TMEM178B: variants seen among roughly 807,000 people sequenced by gnomAD.
The protein encoded by TMEM178B is transmembrane protein 178B.
Under a neutral mutation model 31.0 loss-of-function variants are expected in TMEM178B, and 5 were observed. That is an observed-to-expected ratio of 0.16 (90% CI 0.08 to 0.34). The LOEUF is 0.34. TMEM178B is among the 10% of genes least tolerant of loss of function. The pLI is 1.00. For missense variants in TMEM178B, 275 were observed against 400.3 expected, an observed-to-expected ratio of 0.69 and a Z score of 2.67; for synonymous variants, 164 against 164.0, an observed-to-expected ratio of 1.00 and a Z score of 0.00.
chr7:141,087,793 C>G (rs1039041529), intron 1 of TMEM178B, among the ~76,000 whole-genome samples: 6 of 152,232 alleles, frequency 3.9e-5, no homozygotes, highest in South Asian at 4.2e-4. Context: ...ATGTTAAGAT[C>G]ATGTGTTTCT....
In TMEM178B at chr7:141,344,562, T is replaced by G; in HGVS notation, c.497-93046T>G. Reference sequence around the variant, plus strand: ...TTTAGTTTCTCCCTCCCTCCCTCCATTCCTCCCTCCTCCCTTCCTTCCTTC... The same window carrying G: ...TTTAGTTTCTCCCTCCCTCCCTCCAGTCCTCCCTCCTCCCTTCCTTCCTTC... On this transcript the variant is annotated intron_variant, in intron 2 of 3. Coordinates refer to ENST00000565468, the MANE Select transcript of TMEM178B (RefSeq NM_001195278.2). The surrounding 1 kb of genome is among the most constrained non-coding windows in gnomAD (Gnocchi z 4.1). Among the ~76,000 whole-genome samples, 1 of 148,274 alleles carries G rather than the reference T, an allele frequency of 6.7e-6. No homozygotes were observed. The highest frequency in any genetic ancestry group is 2.5e-5 in the African/African-American group (1 of 40,036).
At chr7:141,173,673 T>C (rs1796382314) in intron 1 of TMEM178B, among the ~76,000 whole-genome samples, 1 of 152,214 alleles carries the variant, frequency 6.6e-6, no homozygotes, top group Non-Finnish European at 1.5e-5. Context: ...TTTGTCTGAA[T>C]TTGTGTTGAG....
chr7:141,257,936 G>A (rs1027248612), intron 2 of TMEM178B, among the ~76,000 whole-genome samples: 1 of 150,662 alleles, frequency 6.6e-6, no homozygotes, highest in African/African-American at 2.4e-5. Context: ...TTCCTTTTTT[G>A]TTTAGTTAAA....
rs1399591456 is a variant in TMEM178B at position 141,472,635 on chromosome 7, T to C, written c.*1849T>C. ...TCATAAACAAATATGCTTTGGGAGCTTTGCCAGGCACTCAGCAGCCTTTCT... is the reference window on the plus strand; with the variant it reads ...TCATAAACAAATATGCTTTGGGAGCCTTGCCAGGCACTCAGCAGCCTTTCT... On this transcript the variant is annotated 3_prime_UTR_variant, in exon 4 of 4. Coordinates refer to ENST00000565468, the MANE Select transcript of TMEM178B (RefSeq NM_001195278.2). 1 of 152,186 alleles carries C rather than the reference T, an allele frequency of 6.6e-6. No individual in the cohort carries two copies. Among genetic ancestry groups the C allele is most frequent in the Non-Finnish European group, 1.5e-5 (1 of 68,042 alleles). The allele number at this position is 152,186 out of a possible 1,614,324, so 9.4% of individuals were successfully genotyped here. A position where few individuals can be genotyped will look rare whatever the true frequency, so the allele number is the denominator to read the frequency against.
chr7:141,155,794 G>T (rs1196400891), intron 1 of TMEM178B, among the ~76,000 whole-genome samples: 1 of 152,324 alleles, frequency 6.6e-6, no homozygotes, highest in East Asian at 1.9e-4. Context: ...GTCGGGCGTG[G>T]TGGCTCACAT....
intron 1 of TMEM178B, among the ~76,000 whole-genome samples, chr7:141,206,765 T>C (rs952401723): frequency 6.6e-6 from 1 of 152,204 alleles, no homozygotes; most frequent in African/African-American, 2.4e-5. Flanking sequence ...CTTTGTAAAT[T>C]GCTCTCCCTG....
At chr7:141,387,878 TG>T (rs746669823) in intron 2 of TMEM178B, among the ~76,000 whole-genome samples, 1 of 152,130 alleles carries the variant, frequency 6.6e-6, no homozygotes, top group Non-Finnish European at 1.5e-5. Flanking sequence ...CTCCTCGCCT[TG>T]GTGGTCATCC....
the TMEM178B span, among the ~76,000 whole-genome samples, chr7:141,486,021 A>G: frequency 6.6e-6 from 1 of 152,248 alleles, no homozygotes; most frequent in African/African-American, 2.4e-5. Flanking sequence ...AGATGATTAG[A>G]TAAAGAGAAT....
chr7:141,482,208 T>G (rs1195497349), downstream of TMEM178B, among the ~76,000 whole-genome samples: 1 of 152,212 alleles, frequency 6.6e-6, no homozygotes, highest in Admixed American at 6.5e-5. Context: ...TAGTGAGAGC[T>G]GTTAAATAAT....
At chr7:141,295,140 T>A (rs1170893458) in intron 2 of TMEM178B, among the ~76,000 whole-genome samples, 2 of 152,178 alleles carry the variant, frequency 1.3e-5, no homozygotes, top group African/African-American at 4.8e-5. Context: ...ATATGACAGA[T>A]GTCTGCACCT....
intron 2 of TMEM178B, among the ~76,000 whole-genome samples, chr7:141,219,666 A>G (rs1488121204): frequency 1.3e-5 from 2 of 152,164 alleles, no homozygotes; most frequent in Non-Finnish European, 2.9e-5. Flanking sequence ...ACCTTTCAGT[A>G]TACCCACTGC....
intron 2 of TMEM178B, among the ~76,000 whole-genome samples, chr7:141,306,985 TA>T (rs1481852429): frequency 2.0e-5 from 3 of 152,198 alleles, no homozygotes; most frequent in African/African-American, 7.2e-5. Context: ...CTTCATTTTT[TA>T]TTGGGTATTG....
intron 2 of TMEM178B, among the ~76,000 whole-genome samples, chr7:141,289,988 C>T (rs757694256): frequency 4.6e-5 from 7 of 152,008 alleles, no homozygotes; most frequent in Non-Finnish European, 7.4e-5. Flanking sequence ...CTCCCCGCAA[C>T]AAAAAAAGAA....
chr7:141,300,806 C>T (rs922728976), intron 2 of TMEM178B, among the ~76,000 whole-genome samples: 1 of 152,280 alleles, frequency 6.6e-6, no homozygotes, highest in African/African-American at 2.4e-5. Flanking sequence ...CGTTGCCAGA[C>T]CCCATTCCCA....
At chr7:141,385,680 G>A (rs1800418735) in intron 2 of TMEM178B, among the ~76,000 whole-genome samples, 1 of 152,142 alleles carries the variant, frequency 6.6e-6, no homozygotes, top group Non-Finnish European at 1.5e-5. Flanking sequence ...TCTCAGCCAT[G>A]TTTCAAGACA....
chr7:141,405,748 G>C (rs1338983119), intron 2 of TMEM178B, among the ~76,000 whole-genome samples: 1 of 152,172 alleles, frequency 6.6e-6, no homozygotes, highest in Non-Finnish European at 1.5e-5. Context: ...TACAAAAAAG[G>C]AGGAGGCAGG....
intron 2 of TMEM178B, among the ~76,000 whole-genome samples, chr7:141,279,381 AAC>A (rs1361432003): frequency 1.3e-5 from 2 of 152,322 alleles, no homozygotes; most frequent in African/African-American, 4.8e-5. Context: ...TTGTTTTTAA[AAC>A]AGTGTTACTT....
chr7:141,122,751 T>C (rs902741448), intron 1 of TMEM178B, among the ~76,000 whole-genome samples: 1 of 152,246 alleles, frequency 6.6e-6, no homozygotes, highest in Non-Finnish European at 1.5e-5. Flanking sequence ...TCATCTTGCC[T>C]ATTATTTTTC....
chr7:141,240,226 C>T (rs1226380205), intron 2 of TMEM178B, among the ~76,000 whole-genome samples: 4 of 152,064 alleles, frequency 2.6e-5, no homozygotes, highest in South Asian at 2.1e-4. Flanking sequence ...ATTTACTCCT[C>T]CCATTTAAAA....
Sources: allele counts gnomAD v4.1 joint callset (sites outside exome capture counted in the v4.1 genomes callset), GRCh38; gene constraint gnomAD v4.1.1; non-coding constraint Gnocchi (gnomAD v3.1); transcripts MANE v1.5; gene names NCBI Gene and HGNC (gene_info 2026-07-23, HGNC 2026-07-21).